DOCK7: variants seen among roughly 807,000 people sequenced by gnomAD.
The protein encoded by DOCK7 is dedicator of cytokinesis protein 7.
In DOCK7, 138 loss-of-function variants were observed where a neutral mutation model predicts 271.0. The observed-to-expected ratio is 0.51, with a 90% CI of 0.44 to 0.59. The LOEUF is 0.59. Among genes scored for constraint, DOCK7 ranks in the 20% least tolerant of loss-of-function variants. The pLI is 0.00. For synonymous variants in DOCK7, 823 were observed against 876.1 expected (o/e 0.94, Z 1.07); for missense variants, 2,066 against 2,592.4 (o/e 0.80, Z 4.41).
intron 43 of DOCK7, among the ~76,000 whole-genome samples, chr1:62,480,187 T>C (rs975734193): frequency 6.6e-6 from 1 of 152,228 alleles, no homozygotes; most frequent in African/African-American, 2.4e-5. Flanking sequence ...TAAAGTGTGA[T>C]ATCCCAGATA....
intron 48 of DOCK7, among the ~76,000 whole-genome samples, chr1:62,469,732 A>G (rs980826152): frequency 1.3e-5 from 2 of 152,120 alleles, no homozygotes; most frequent in Admixed American, 6.6e-5. Flanking sequence ...AAAACAAATA[A>G]TTTCGTCAAA....
At chr1:62,628,307 C>A (rs1189160455) in intron 11 of DOCK7, 1 of 152,212 alleles carries the variant, frequency 6.6e-6, no homozygotes, top group East Asian at 1.9e-4. Flanking sequence ...AGGACAGGTA[C>A]CTGTCCGCCA....
intron 21 of DOCK7, among the ~76,000 whole-genome samples, chr1:62,553,344 ATATATATATATTTTTTTTTT>A (rs1404065251): frequency 6.1e-4 from 19 of 31,306 alleles, no homozygotes; most frequent in Non-Finnish European, 7.7e-4. Flanking sequence ...ATATATATAT[ATATATATATATTTTTTTTTT>A]TTTTTTTTTT....
At chr1:62,592,612 C>T (rs1426611339) in intron 14 of DOCK7, among the ~76,000 whole-genome samples, 2 of 151,788 alleles carry the variant, frequency 1.3e-5, no homozygotes, top group African/African-American at 2.4e-5. Context: ...CAGAAAGAGA[C>T]AAACTTAAAA....
At chr1:62,490,275 T>C (rs1646424848) in intron 41 of DOCK7, among the ~76,000 whole-genome samples, 1 of 151,990 alleles carries the variant, frequency 6.6e-6, no homozygotes, top group Admixed American at 6.6e-5. Context: ...TCTTGTTACA[T>C]TGAGCGGGCT....
intron 43 of DOCK7, chr1:62,484,334 G>T (rs986007785): frequency 1.3e-5 from 2 of 151,876 alleles, no homozygotes; most frequent in African/African-American, 4.8e-5. Context: ...GAGTAGTGGT[G>T]TTCTTTAAAG....
chr1:62,600,005 A>T (rs78491480), intron 14 of DOCK7, among the ~76,000 whole-genome samples: 2 of 152,112 alleles, frequency 1.3e-5, no homozygotes, highest in East Asian at 3.9e-4. Flanking sequence ...TAAAACAAAT[A>T]TTATTACCAA....
intron 14 of DOCK7, among the ~76,000 whole-genome samples, 189 bp from the exon 15 acceptor site, chr1:62,586,813 A>G: frequency 6.6e-6 from 1 of 152,262 alleles, no homozygotes; most frequent in Middle Eastern, 3.4e-3. Context: ...CAGCAATAAA[A>G]CATGTCCCAA....
At chr1:62,516,753 C>T (rs1464404915) in intron 31 of DOCK7, 2 of 152,250 alleles carry the variant, frequency 1.3e-5, no homozygotes, top group Non-Finnish European at 2.9e-5. Flanking sequence ...ATTCATGACT[C>T]GGACTCTGAT....
rs187720344 is a variant in DOCK7, at chr1:62,673,164, G to A, written c.39-10034C>T. On this transcript the variant is annotated intron_variant, in intron 1 of 49. Transcript: ENST00000635253. The stretch of plus-strand genomic sequence containing the variant: ...CTCAAGAAAACTAAAACATATACAC[G>A]TTGATATGTGAAACAAAACCAAAAA... Among the ~76,000 whole-genome samples, 276 of 152,080 alleles carry A rather than the reference G, an allele frequency of 1.8e-3. 1 individual carries two copies. The highest frequency in any genetic ancestry group is 0.016 in the Admixed American group (250 of 15,276).
At chr1:62,668,990 A>G (rs1659633272) in intron 1 of DOCK7, among the ~76,000 whole-genome samples, 1 of 152,056 alleles carries the variant, frequency 6.6e-6, no homozygotes, top group Non-Finnish European at 1.5e-5. Context: ...AACAAATCAA[A>G]TATGAAGTAA....
chr1:62,522,707 C>G (rs576432783), intron 31 of DOCK7, among the ~76,000 whole-genome samples: 2 of 151,764 alleles, frequency 1.3e-5, no homozygotes, highest in Non-Finnish European at 2.9e-5. Context: ...AAAAAACTGA[C>G]AGGAAGAAAC....
At chr1:62,464,979 AC>A (rs1170642042) in intron 48 of DOCK7, among the ~76,000 whole-genome samples, 3 of 152,242 alleles carry the variant, frequency 2.0e-5, no homozygotes, top group African/African-American at 7.2e-5. Context: ...TTTATTATTT[AC>A]TATCATAAAA....
intron 14 of DOCK7, among the ~76,000 whole-genome samples, chr1:62,613,133 A>G (rs1473422220): frequency 6.6e-6 from 1 of 152,004 alleles, no homozygotes; most frequent in East Asian, 1.9e-4. Context: ...CCAATAAAAG[A>G]TTTTTTTCAC....
At chr1:62,548,465 G>T (rs1350369894) in intron 22 of DOCK7, among the ~76,000 whole-genome samples, 2 of 147,266 alleles carry the variant, frequency 1.4e-5, no homozygotes, top group Non-Finnish European at 3.0e-5. Flanking sequence ...CTGTTGCCCA[G>T]GCTGGAGTGC....
intron 41 of DOCK7, 135 bp downstream of exon 41, chr1:62,492,569 T>C: frequency 9.3e-7 from 1 of 1,074,416 alleles, no homozygotes. Flanking sequence ...ATTACAGGCA[T>C]GAGCCACCAT....
intron 43 of DOCK7, chr1:62,478,817 G>T (rs188372235): frequency 6.6e-6 from 1 of 152,082 alleles, no homozygotes. Context: ...AGATGAGTTG[G>T]TTATTCTAAA....
At chr1:62,531,909 A>G (rs182752450) in intron 29 of DOCK7, among the ~76,000 whole-genome samples, 21 of 152,376 alleles carry the variant, frequency 1.4e-4, no homozygotes, top group African/African-American at 4.8e-4. Context: ...AAGAAAGACA[A>G]GGTGCCTGTT....
At chr1:62,584,058 A>T (rs1647231148) in intron 15 of DOCK7, 20 of 766,744 alleles carry the variant, frequency 2.6e-5, no homozygotes, top group Non-Finnish European at 3.2e-5. Context: ...TTACATATGC[A>T]TGAATAGATA....
Sources: gnomAD v4.1 joint callset for allele counts (sites outside exome capture counted in the v4.1 genomes callset) on GRCh38, gnomAD v4.1.1 for gene constraint, MANE v1.5 for transcripts, NCBI Gene and HGNC (gene_info 2026-07-23, HGNC 2026-07-21) for gene names.